The following OSMR variants were observed in gnomAD, a reference collection of about 807,000 sequenced individuals.
The protein encoded by OSMR is oncostatin M receptor.
Under a neutral mutation model 99.9 loss-of-function variants are expected in OSMR, and 81 were observed. The ratio of observed to expected loss-of-function variants is 0.81; its 90% CI spans 0.68 to 0.97. The LOEUF (loss-of-function observed/expected upper bound fraction) is 0.97. Among genes scored for constraint, OSMR ranks in the 50% least tolerant of loss-of-function variants. OSMR has a pLI of 0.00. For missense variants in OSMR, 1,099 were observed against 1,153.4 expected (o/e 0.95, Z 0.68); for synonymous variants, 406 against 410.4 (o/e 0.99, Z 0.13).
intron 5 of OSMR, chr5:38,885,104 C>A: frequency 1.3e-6 from 1 of 770,556 alleles, no homozygotes; most frequent in Non-Finnish European, 1.6e-6. Context: ...CAGCCACTTG[C>A]ATAACATGGA....
chr5:38,890,115 G>A (rs750774751), intron 7 of OSMR, among the ~76,000 whole-genome samples: 15 of 152,060 alleles, frequency 9.9e-5, no homozygotes, highest in Admixed American at 2.6e-4. Context: ...CACTGTGGTC[G>A]TAGAAGGTGT....
In OSMR at chr5:38,852,718, A is replaced by ATTTTTTTTTTTTTT. The variant is rs61559728; in HGVS notation, c.-14+6348_-14+6361dup. ...GATACATATTGAAACTATTGTTTTCATTTTTTTTTTTTTTTTTTTTTTTTT... is the reference window on the plus strand; with the variant it reads ...GATACATATTGAAACTATTGTTTTCATTTTTTTTTTTTTTTTTTTTTTTTTTTTTTTTTTTTTTT... On this transcript the variant is annotated intron_variant, in intron 1 of 17. Coordinates refer to ENST00000274276, the MANE Select transcript of OSMR (RefSeq NM_003999.3). Among the ~76,000 whole-genome samples the ATTTTTTTTTTTTTT allele has an allele frequency of 3.5e-3, 244 of 70,670 alleles. 49 individuals are homozygous for ATTTTTTTTTTTTTT. Among genetic ancestry groups the ATTTTTTTTTTTTTT allele is most frequent in the African/African-American group, 4.9e-3 (92 of 18,688 alleles). 46.4% of individuals were successfully genotyped at this position (70,670 alleles called of 152,430 possible). A position where few individuals can be genotyped will look rare whatever the true frequency, so the allele number is the denominator to read the frequency against.
intron 8 of OSMR, 38 bp downstream of exon 8, chr5:38,904,062 T>G (rs762461590): frequency 2.0e-6 from 3 of 1,488,342 alleles, no homozygotes; most frequent in Non-Finnish European, 2.7e-6. Flanking sequence ...TCAAAAATTC[T>G]TTTTTTGTCC....
chr5:38,913,675 T>C (rs1336150456), intron 9 of OSMR, among the ~76,000 whole-genome samples: 1 of 151,992 alleles, frequency 6.6e-6, no homozygotes, highest in African/African-American at 2.4e-5. Flanking sequence ...AAAATCACAA[T>C]GAGACACCAT....
At chr5:38,945,260 T>C (rs186783289), downstream of OSMR, 621 of 614,984 alleles carry the variant, frequency 1.0e-3, 13 homozygotes, top group East Asian at 0.016. Context: ...TGGACAGGGC[T>C]GTTCACAGTG....
intron 2 of OSMR, among the ~76,000 whole-genome samples, chr5:38,873,300 G>A (rs537458468): frequency 9.9e-5 from 15 of 152,146 alleles, no homozygotes; most frequent in South Asian, 2.1e-4. Flanking sequence ...ACAGTCCTTC[G>A]TGTGTGTATA....
intron 7 of OSMR, among the ~76,000 whole-genome samples, chr5:38,899,203 C>T (rs984955823): frequency 3.9e-5 from 6 of 152,052 alleles, no homozygotes; most frequent in Non-Finnish European, 8.8e-5. Flanking sequence ...TGTGATCCAC[C>T]CACCTCGGCC....
At chr5:38,932,094 G>C (rs1275342634) in intron 16 of OSMR, 130 bp downstream of exon 16, 2 of 762,352 alleles carry the variant, frequency 2.6e-6, no homozygotes, top group Non-Finnish European at 4.4e-6. Flanking sequence ...AAAGGAGGCT[G>C]GGGTGAGAGT....
chr5:38,908,901 A>ATCC (rs1210333449), intron 9 of OSMR, among the ~76,000 whole-genome samples: 1 of 152,232 alleles, frequency 6.6e-6, no homozygotes, highest in East Asian at 1.9e-4. Flanking sequence ...CCACACTAGC[A>ATCC]TCCTAGCAAT....
At chr5:38,940,131 A>T, downstream of OSMR, 1 of 156,928 alleles carries the variant, frequency 6.4e-6, no homozygotes, top group Non-Finnish European at 1.2e-5. Context: ...AAGTAACAGT[A>T]AAAAAAAAAA....
downstream of OSMR, among the ~76,000 whole-genome samples, chr5:38,937,418 A>C (rs1336477162): frequency 6.6e-6 from 1 of 152,192 alleles, no homozygotes; most frequent in African/African-American, 2.4e-5. This position sits in a 1 kb window ranked among gnomAD's most constrained non-coding sequence, Gnocchi z 4.0. Context: ...ACTGTCCAAA[A>C]CGTTTCTTGA....
chr5:38,876,155 A>G (rs1317370818), intron 2 of OSMR, 46 bp from the exon 3 acceptor site: 11 of 1,589,348 alleles, frequency 6.9e-6, no homozygotes, highest in Admixed American at 1.7e-5. Context: ...CTCTTCAATC[A>G]TGCTCCTATT....
At position 38,913,877 on chromosome 5, in the gene OSMR, G is replaced by T. The variant is rs187687872; in HGVS notation, c.1286-3669G>T. Among the ~76,000 whole-genome samples, 709 of 152,278 alleles carry T rather than the reference G, an allele frequency of 4.7e-3. 5 individuals carry two copies. The highest frequency in any genetic ancestry group is 8.0e-3 in the Admixed American group (123 of 15,298). On this transcript the variant is annotated intron_variant, in intron 9 of 17. Coordinates refer to ENST00000274276, the MANE Select transcript of OSMR (RefSeq NM_003999.3). ...GAGGTGTTACACAAAAAGGGGGAAG[G>T]TTAAGCTACTGTACGCATTTGTTTG... is the stretch of plus-strand genomic sequence containing the variant.
intron 2 of OSMR, 136 bp downstream of exon 2, chr5:38,869,253 A>G: frequency 1.3e-6 from 1 of 789,096 alleles, no homozygotes; most frequent in Non-Finnish European, 2.3e-6. Context: ...CCATGAGGAG[A>G]TTTGTCAATC....
downstream of OSMR, chr5:38,940,350 T>A: frequency 4.3e-6 from 1 of 231,626 alleles, no homozygotes; most frequent in Non-Finnish European, 8.6e-6. Flanking sequence ...AAAATGAATG[T>A]CTAAAATATG....
chr5:38,918,717 TGTTTG>T, intron 10 of OSMR, 118 bp from the exon 11 acceptor site: 1 of 1,516,854 alleles, frequency 6.6e-7, no homozygotes, highest in East Asian at 2.5e-5. Context: ...TCTATTAAGC[TGTTTG>T]AATTTTCTGG....
chr5:38,940,425 T>C (rs962837746), downstream of OSMR: 8 of 232,600 alleles, frequency 3.4e-5, no homozygotes, highest in African/African-American at 1.3e-4. Context: ...TTTGGTCTAG[T>C]AACTCTGACA....
intron 7 of OSMR, chr5:38,886,805 TTTTTATACATG>T (rs1743808823): frequency 6.6e-6 from 1 of 152,518 alleles, no homozygotes; most frequent in African/African-American, 2.4e-5. Flanking sequence ...AATATGAACA[TTTTTATACATG>T]TGTCTAGTAC....
Position 38,876,334 on chromosome 5 carries a change from C to A in OSMR, c.207C>A (p.Ile69=). Residue 69 remains isoleucine, a synonymous_variant, in exon 3 of 18, where the codon ATC becomes ATA. Coordinates refer to ENST00000274276, the MANE Select transcript of OSMR (RefSeq NM_003999.3). ...AGGAATTGAAAATGGTATTTCAGAT[C>A]CAGATCAGTAGGATTGAAACATCCA... The part of the protein sequence containing the change: ...YHQELKMVFQ[I]QISRIETSNV... 6.2e-7 allele frequency: 1 copy of A among 1,613,400 alleles called. No individual in the cohort carries two copies. The highest frequency in any genetic ancestry group is 8.5e-7 in the Non-Finnish European group (1 of 1,179,516).
Sources: gnomAD v4.1 joint callset for allele counts (sites outside exome capture counted in the v4.1 genomes callset) on GRCh38, gnomAD v4.1.1 for gene constraint, Gnocchi (gnomAD v3.1) non-coding constraint, MANE v1.5 for transcripts, NCBI Gene and HGNC (gene_info 2026-07-23, HGNC 2026-07-21) for gene names.